Variants in TNXB observed in about 807,000 individuals in gnomAD.
TNXB encodes the protein tenascin-X.
A neutral mutation model predicts 340.5 loss-of-function variants in TNXB; 183 were observed. That is an observed-to-expected ratio of 0.54 (90% CI 0.48 to 0.61). The LOEUF (loss-of-function observed/expected upper bound fraction) is 0.61. Among genes scored for constraint, TNXB ranks in the 20% least tolerant of loss-of-function variants. The pLI is 0.00. For missense variants in TNXB, 4,613 were observed against 5,446.4 expected (o/e 0.85, Z 4.82); for synonymous variants, 2,121 against 2,314.5 (o/e 0.92, Z 2.40).
In TNXB at chr6:32,069,426, GC is replaced by G; in HGVS notation, c.5587+126del. The G allele has an allele frequency of 8.4e-7, 1 of 1,188,780 alleles. No homozygotes were observed. 73.6% of individuals were successfully genotyped at this position (1,188,780 alleles called of 1,614,324 possible). On this transcript the variant is annotated intron_variant, in intron 15 of 43. Transcript: ENST00000644971. The surrounding 1 kb of genome is among the most constrained non-coding windows in gnomAD (Gnocchi z 6.2). ...GACTGGGGCAACTGACTCTAAAGGG[GC>G]ACAAGGAAACTTTCTGGATCAATGG...
chr6:32,057,357 G>A (rs1777729436), intron 22 of TNXB, among the ~76,000 whole-genome samples: 1 of 152,140 alleles, frequency 6.6e-6, no homozygotes, highest in Non-Finnish European at 1.5e-5. Flanking sequence ...TCTTTACCCT[G>A]AATTCCCCTG....
In TNXB at chr6:32,096,933, C is replaced by A; in HGVS notation, c.920G>T (p.Gly307Val). The A allele has an allele frequency of 6.3e-7, 1 of 1,593,788 alleles. No individual in the cohort carries two copies. Among genetic ancestry groups the A allele is most frequent in the Non-Finnish European group, 8.6e-7 (1 of 1,163,056 alleles). Residue 307 changes from glycine (G) to valine (V), a missense_variant, in exon 3 of 44, where the codon GGG (glycine) becomes GTG (valine). Around this residue, in one of 7 missense-constraint regions of TNXB, gnomAD observed 4,327 missense variants for 4,859.4 expected, o/e 0.89. Coordinates refer to ENST00000644971, the MANE Select transcript of TNXB (RefSeq NM_001365276.2). ...GCAGCCCCGAGGGCAGCTCCTCACCCCACAGTCCTCGCCAGTGTAGCCGGG... is the reference window on the plus strand; with the variant it reads ...GCAGCCCCGAGGGCAGCTCCTCACCACACAGTCCTCGCCAGTGTAGCCGGG... Reference protein sequence around the residue: ...CNPGYTGEDCGVRSCPRGCSQ... With the variant: ...CNPGYTGEDCVVRSCPRGCSQ...
Position 32,045,142 on chromosome 6 carries a change from G to T in TNXB, c.10791C>A (p.Pro3597=). 1 of 1,613,094 alleles carries T rather than the reference G, an allele frequency of 6.2e-7. No homozygotes were observed. Among genetic ancestry groups the T allele is most frequent in the Non-Finnish European group, 8.5e-7 (1 of 1,179,998 alleles). The part of the protein sequence containing the change: ...VVQYEDTNGQ[P]QALLVDGDQS... ...GGTCGCCGTCCACGAGCAAGGCCTG[G>T]GGCTGCCCGTTCGTGTCCTCATACT... Residue 3597 remains proline, a synonymous_variant, in exon 32 of 44, where the codon CCC becomes CCA. Coordinates refer to ENST00000644971, the MANE Select transcript of TNXB (RefSeq NM_001365276.2).
chr6:32,060,375 C>T (rs928523389), intron 21 of TNXB, among the ~76,000 whole-genome samples: 1 of 145,520 alleles, frequency 6.9e-6, no homozygotes. Context: ...GCCACAAGAG[C>T]GATAGAGGAG....
chr6:32,098,250 G>C (rs766727693), intron 1 of TNXB, 44 bp from the exon 2 acceptor site: 1 of 1,421,562 alleles, frequency 7.0e-7, no homozygotes, highest in South Asian at 1.7e-5. Context: ...TCAAAAAGGA[G>C]ACAAAATGAA....
In TNXB at chr6:32,086,013, T is replaced by A; in HGVS notation, c.2885A>T (p.Glu962Val). The A allele has an allele frequency of 6.2e-7, 1 of 1,606,390 alleles. No homozygotes were observed. ...GCCCAGCACCCTCAACTCTCCCAGC[T>A]CCTGGGGGCGCTGCTGCAGGAGAGG... is the stretch of plus-strand genomic sequence containing the variant. ...QAPLLQQRPQ[E>V]LGELRVLGRD... Residue 962 changes from glutamate to valine, a missense_variant, in exon 7 of 44, where the codon GAG (glutamate) becomes GTG (valine). By Grantham distance (121) the Glu-to-Val change is moderately radical. This residue lies in a region of TNXB where 4,327 missense variants were observed against 4,859.4 expected (regional missense o/e 0.89). Coordinates refer to ENST00000644971, the MANE Select transcript of TNXB (RefSeq NM_001365276.2).
At chr6:32,105,248 G>A (rs1365149124) in intron 1 of TNXB, among the ~76,000 whole-genome samples, 2 of 152,018 alleles carry the variant, frequency 1.3e-5, no homozygotes, top group African/African-American at 2.4e-5. Context: ...TCATCCTTCA[G>A]GTCTCAGCCC....
At position 32,067,656 on chromosome 6, in the gene TNXB, C is replaced by A; in HGVS notation, c.6544+5G>T. On this transcript the variant is annotated splice_donor_5th_base_variant and intron_variant, in intron 18 of 43. Coordinates refer to ENST00000644971, the MANE Select transcript of TNXB (RefSeq NM_001365276.2). The surrounding 1 kb of genome is among the most constrained non-coding windows in gnomAD (Gnocchi z 4.2). ...AACCCAGAGGGCTCTGCAGTGCACA[C>A]TCACCCGTGACGCCCACAGCAGACA... The A allele has an allele frequency of 6.2e-7, 1 of 1,612,526 alleles. No individual in the cohort carries two copies. Among genetic ancestry groups the A allele is most frequent in the Non-Finnish European group, 8.5e-7 (1 of 1,179,038 alleles).
rs1777200216 is a variant in TNXB at position 32,050,281 on chromosome 6, G to A, written c.9156C>T (p.Thr3052=). ...GCTTGATGGGGGGCTCAGGGGTCAT[G>A]GTAGGCACTGCTTGGGTGGTCTCGG... The part of the protein sequence containing the change: ...DEAETTQAVP[T]MTPEPPIKPR... The change falls in exon 27 of 44, where the codon ACC becomes ACT. Residue 3052 remains threonine, a synonymous_variant. Coordinates refer to ENST00000644971, the MANE Select transcript of TNXB (RefSeq NM_001365276.2). 6.2e-7 allele frequency: 1 copy of A among 1,613,384 alleles called. No homozygotes were observed. Among genetic ancestry groups the A allele is most frequent in the Non-Finnish European group, 8.5e-7 (1 of 1,179,832 alleles).
Position 32,085,943 on chromosome 6 carries a change from A to G in TNXB, c.2955T>C (p.Pro985=). ...GCAGTTGGAAGTAGGCAAAGGTGTC[A>G]GGCTGGGCGGTCCAGACCACACGGA... is the stretch of plus-strand genomic sequence containing the variant. ...GRLRVVWTAQ[P]DTFAYFQLRM... Residue 985 remains proline (P), a synonymous_variant, in exon 7 of 44, where the codon CCT becomes CCC. Coordinates refer to ENST00000644971, the MANE Select transcript of TNXB (RefSeq NM_001365276.2). This position sits in a 1 kb window ranked among gnomAD's most constrained non-coding sequence, Gnocchi z 6.4. 3 of 1,608,460 alleles carry G rather than the reference A, an allele frequency of 1.9e-6. No homozygotes were observed. Among genetic ancestry groups the G allele is most frequent in the Non-Finnish European group, 2.5e-6 (3 of 1,178,820 alleles).
In TNXB at chr6:32,049,743, A is replaced by C. The variant is rs1048795206; in HGVS notation, c.9440-156T>G. 2.6e-5 allele frequency among the ~76,000 whole-genome samples: 4 copies of C among 152,022 alleles called. No individual in the cohort carries two copies. Among genetic ancestry groups the C allele is most frequent in the African/African-American group, 9.7e-5 (4 of 41,338 alleles). ...GTCCTGCTCAGCTGACAGCTAACAC[A>C]CGTAACAAGTTCCAGGGTCAGCTGT... On this transcript the variant is annotated intron_variant, in intron 27 of 43. Transcript: ENST00000644971. The surrounding 1 kb of genome is among the most constrained non-coding windows in gnomAD (Gnocchi z 4.5).
chr6:32,062,777 C>G lies in TNXB; in HGVS notation c.6842-294G>C, dbSNP rs527736162. Among the ~76,000 whole-genome samples the G allele has an allele frequency of 6.6e-6, 1 of 152,282 alleles. No individual in the cohort carries two copies. Among genetic ancestry groups the G allele is most frequent in the African/African-American group, 2.4e-5 (1 of 41,562 alleles). ...GCTTTATAAGAACACCAACCAGGGC[C>G]GGGTGTGGTGGCTCAGGCCTGTAAT... is the stretch of plus-strand genomic sequence containing the variant. On this transcript the variant is annotated intron_variant, in intron 19 of 43. Transcript: ENST00000644971. This position sits in a 1 kb window ranked among gnomAD's most constrained non-coding sequence, Gnocchi z 4.3.
chr6:32,102,542 T>C (rs1008697029), intron 1 of TNXB, among the ~76,000 whole-genome samples: 1 of 152,000 alleles, frequency 6.6e-6, no homozygotes, highest in African/African-American at 2.4e-5. Flanking sequence ...AATGCTCTTA[T>C]ACTCTTATAT....
intron 13 of TNXB, among the ~76,000 whole-genome samples, chr6:32,071,572 T>G (rs1778772848): frequency 8.4e-6 from 1 of 118,860 alleles, no homozygotes; most frequent in African/African-American, 2.9e-5. Context: ...TTTGCGGCTT[T>G]TCTTTCTTTT....
At chr6:32,093,910 A>G (rs534768200) in intron 4 of TNXB, among the ~76,000 whole-genome samples, 39 of 152,138 alleles carry the variant, frequency 2.6e-4, no homozygotes, top group Admixed American at 5.9e-4. Context: ...GGCATGCAAC[A>G]TGGAGAAACC....
chr6:32,093,326 T>C, intron 4 of TNXB: 1 of 689,184 alleles, frequency 1.5e-6, no homozygotes, highest in South Asian at 1.5e-5. Context: ...AGTATTTTTA[T>C]AACAACAACA....
chr6:32,089,688 AC>A lies in TNXB; in HGVS notation c.2359-310del, dbSNP rs1779992731. 6.6e-6 allele frequency among the ~76,000 whole-genome samples: 1 copy of A among 152,166 alleles called. No individual in the cohort carries two copies. Among genetic ancestry groups the A allele is most frequent in the South Asian group, 2.1e-4 (1 of 4,824 alleles). ...CAAGTATCTTGCCAACGTCACCAACACCAAGAAAATGGCAAGAATTTAGGCC... is the reference window on the plus strand; with the variant it reads ...CAAGTATCTTGCCAACGTCACCAACACAAGAAAATGGCAAGAATTTAGGCC... On this transcript the variant is annotated intron_variant, in intron 4 of 43. Coordinates refer to ENST00000644971, the MANE Select transcript of TNXB (RefSeq NM_001365276.2). This position sits in a 1 kb window ranked among gnomAD's most constrained non-coding sequence, Gnocchi z 6.2.
intron 18 of TNXB, among the ~76,000 whole-genome samples, chr6:32,065,439 T>C (rs541070580): frequency 3.3e-5 from 5 of 152,260 alleles, no homozygotes; most frequent in African/African-American, 9.6e-5. Context: ...GATTACTCTA[T>C]TTAAAATTTC....
chr6:32,079,013 GGCCCCT>G lies in TNXB; in HGVS notation c.4375+14_4375+19del, dbSNP rs1468673756. The G allele has an allele frequency of 6.9e-6, 11 of 1,601,750 alleles. No homozygotes were observed. Among genetic ancestry groups the G allele is most frequent in the Non-Finnish European group, 9.4e-6 (11 of 1,174,654 alleles). The stretch of plus-strand genomic sequence containing the variant: ...CCAGCAGTGGGAGGGAACCAAAGCA[GGCCCCT>G]GCCCCTCACTCACCTGTCACGCCCA... On this transcript the variant is annotated intron_variant, in intron 11 of 43. Coordinates refer to ENST00000644971, the MANE Select transcript of TNXB (RefSeq NM_001365276.2). This position sits in a 1 kb window ranked among gnomAD's most constrained non-coding sequence, Gnocchi z 7.1.
Sources: gnomAD v4.1 joint callset for allele counts (sites outside exome capture counted in the v4.1 genomes callset) on GRCh38, gnomAD v4.1.1 for gene constraint, gnomAD v4.1.1 regional missense constraint, Gnocchi (gnomAD v3.1) non-coding constraint, MANE v1.5 for transcripts, NCBI Gene and HGNC (gene_info 2026-07-23, HGNC 2026-07-21) for gene names.